Variants in EPB41L2 observed in about 807,000 individuals in gnomAD.
EPB41L2 encodes the protein band 4.1-like protein 2.
Under a neutral mutation model 113.0 loss-of-function variants are expected in EPB41L2, and 43 were observed. That is an observed-to-expected ratio of 0.38 (90% CI 0.30 to 0.49). The LOEUF is 0.49. EPB41L2 is among the 20% of genes least tolerant of loss of function. The pLI is 0.95. For missense variants in EPB41L2, 1,147 were observed against 1,223.4 expected (o/e 0.94, Z 0.93); for synonymous variants, 442 against 436.7 (o/e 1.01, Z -0.15).
intron 10 of EPB41L2, among the ~76,000 whole-genome samples, chr6:130,891,428 TTTACTTAC>T (rs34546609): frequency 0.42 from 62,481 of 149,308 alleles, 15,239 homozygotes; most frequent in Non-Finnish European, 0.52. Flanking sequence ...TATTTATTTA[TTTACTTAC>T]TTACTTACTT....
chr6:130,988,782 T>TG (rs1194435877), intron 1 of EPB41L2, among the ~76,000 whole-genome samples: 3 of 152,174 alleles, frequency 2.0e-5, no homozygotes, highest in African/African-American at 4.8e-5. Context: ...ACAGGCAAGA[T>TG]AAGTGCTAAG....
intron 1 of EPB41L2, among the ~76,000 whole-genome samples, chr6:130,980,237 A>G (rs1266390342): frequency 6.6e-6 from 1 of 152,016 alleles, no homozygotes; most frequent in African/African-American, 2.4e-5. Context: ...GTAAATTAAT[A>G]TCTGAAGTTT....
intron 4 of EPB41L2, among the ~76,000 whole-genome samples, chr6:130,911,145 A>C (rs991073245): frequency 6.6e-6 from 1 of 152,250 alleles, no homozygotes; most frequent in Non-Finnish European, 1.5e-5. Flanking sequence ...TCAATGATAG[A>C]CTGGATAAAG....
chr6:130,945,444 A>G (rs1440223662), intron 3 of EPB41L2, among the ~76,000 whole-genome samples: 1 of 152,208 alleles, frequency 6.6e-6, no homozygotes, highest in Admixed American at 6.5e-5. Flanking sequence ...ATAACTAAGA[A>G]AAAACGGTAC....
rs78924534 is a variant in EPB41L2, at chr6:130,890,476, GAAA to G, written c.1488-13_1488-11del. 3.5e-3 allele frequency: 4,604 copies of G among 1,324,424 alleles called. No individual in the cohort carries two copies. The highest frequency in any genetic ancestry group is 0.01 in the South Asian group (677 of 67,136). 82.0% of individuals were successfully genotyped at this position (1,324,424 alleles called of 1,614,324 possible). On this transcript the variant is annotated splice_polypyrimidine_tract_variant and intron_variant, in intron 10 of 19. Coordinates refer to ENST00000337057, the MANE Select transcript of EPB41L2 (RefSeq NM_001431.4). The stretch of plus-strand genomic sequence containing the variant: ...CTCTGGAGAAACAAGCCTATGGGAG[GAAA>G]AAAAAAAAAAAAGAGAGAGAGAAAG...
At position 130,870,476 on chromosome 6, in the gene EPB41L2, CA is replaced by C. The variant is rs1785284090; in HGVS notation, c.2044-351del. ...ATCTGACACTGCAAAGACAAAACAG[CA>C]AGAATCAACATCTACAGAAACCTCT... On this transcript the variant is annotated intron_variant, in intron 14 of 19. Transcript: ENST00000337057. 2.4e-6 allele frequency: 3 copies of C among 1,246,438 alleles called. No homozygotes were observed. The South Asian group carries it at 3.9e-5, about 16-fold the overall frequency. 77.2% of individuals were successfully genotyped at this position (1,246,438 alleles called of 1,614,324 possible).
chr6:130,866,575 AC>A (rs1313638399), intron 16 of EPB41L2, among the ~76,000 whole-genome samples: 1 of 152,258 alleles, frequency 6.6e-6, no homozygotes, highest in Non-Finnish European at 1.5e-5. Flanking sequence ...ATCAAGGCAC[AC>A]ACAAGGATGC....
At chr6:130,863,523 C>T (rs945170650) in intron 18 of EPB41L2, 115 bp downstream of exon 18, 7 of 681,860 alleles carry the variant, frequency 1.0e-5, no homozygotes, top group Admixed American at 2.5e-5. Flanking sequence ...AGGAGGTGGA[C>T]TTCATCCAGG....
At chr6:130,862,645 A>G (rs1782517335) in intron 18 of EPB41L2, among the ~76,000 whole-genome samples, 1 of 152,208 alleles carries the variant, frequency 6.6e-6, no homozygotes, top group South Asian at 2.1e-4. Context: ...AACCTCTAAT[A>G]ACTCTTAAGA....
chr6:130,851,458 C>T (rs1015542669), intron 19 of EPB41L2, among the ~76,000 whole-genome samples: 3 of 152,202 alleles, frequency 2.0e-5, no homozygotes, highest in East Asian at 1.9e-4. Flanking sequence ...TGCAGGTTAA[C>T]GGGTGGGATG....
intron 14 of EPB41L2, chr6:130,872,462 G>A: frequency 7.8e-7 from 1 of 1,289,388 alleles, no homozygotes; most frequent in Non-Finnish European, 1.0e-6. Context: ...AGTGGTGGCT[G>A]AAGTGAAGGT....
At chr6:130,909,131 G>A (rs1313355073) in intron 4 of EPB41L2, among the ~76,000 whole-genome samples, 1 of 152,114 alleles carries the variant, frequency 6.6e-6, no homozygotes, top group African/African-American at 2.4e-5. Context: ...ATCTAAAATG[G>A]TCCAAATGAT....
chr6:131,018,378 T>A (rs1788715024), intron 1 of EPB41L2, among the ~76,000 whole-genome samples: 1 of 151,802 alleles, frequency 6.6e-6, no homozygotes, highest in Non-Finnish European at 1.5e-5. Flanking sequence ...GGACATCAGA[T>A]GAGACAGCTA....
chr6:131,009,734 A>C (rs1786470508), intron 1 of EPB41L2, among the ~76,000 whole-genome samples: 1 of 151,820 alleles, frequency 6.6e-6, no homozygotes, highest in Non-Finnish European at 1.5e-5. Flanking sequence ...CAGTAATATT[A>C]ATAAGTTGAA....
chr6:130,964,722 C>G (rs925858848), intron 1 of EPB41L2, among the ~76,000 whole-genome samples: 1 of 152,022 alleles, frequency 6.6e-6, no homozygotes, highest in Non-Finnish European at 1.5e-5. Context: ...ATGATAATAT[C>G]AGCTATTTGT....
chr6:131,022,775 C>T (rs149307189), intron 1 of EPB41L2, among the ~76,000 whole-genome samples: 2 of 152,190 alleles, frequency 1.3e-5, no homozygotes, highest in Admixed American at 1.3e-4. Flanking sequence ...TCCTTTCAAA[C>T]TGTAAATAAT....
chr6:130,887,154 A>G (rs1262578039), intron 11 of EPB41L2, among the ~76,000 whole-genome samples: 1 of 152,218 alleles, frequency 6.6e-6, no homozygotes, highest in Admixed American at 6.5e-5. Flanking sequence ...ATTAAAGTTG[A>G]CAAAATGCTG....
At chr6:130,985,950 G>A (rs1193975732) in intron 1 of EPB41L2, among the ~76,000 whole-genome samples, 4 of 151,886 alleles carry the variant, frequency 2.6e-5, no homozygotes, top group African/African-American at 9.7e-5. Flanking sequence ...TTATCACCCC[G>A]AAAAGAAACC....
rs1242207368 is a variant in EPB41L2, at chr6:130,995,147, T to C, written c.-14-38648A>G. Among the ~76,000 whole-genome samples the C allele has an allele frequency of 3.3e-5, 5 of 151,396 alleles. No individual in the cohort carries two copies. The East Asian group carries it at 7.8e-4, about 24-fold the overall frequency. On this transcript the variant is annotated intron_variant, in intron 1 of 19. Coordinates refer to ENST00000337057, the MANE Select transcript of EPB41L2 (RefSeq NM_001431.4). ...GTCAGGAGATCAAGACCATCCTGGC[T>C]AACACGGTGGAACCCCATCTCTACC...
Sources: gnomAD v4.1 joint callset for allele counts (sites outside exome capture counted in the v4.1 genomes callset) on GRCh38, gnomAD v4.1.1 for gene constraint, MANE v1.5 for transcripts, NCBI Gene and HGNC (gene_info 2026-07-23, HGNC 2026-07-21) for gene names.